The following CC2D2B variants were observed in gnomAD, a reference collection of about 807,000 sequenced individuals.
CC2D2B encodes coiled-coil and C2 domain containing 2B, also known as protein CC2D2B.
A neutral mutation model predicts 161.2 loss-of-function variants in CC2D2B; 128 were observed. The ratio of observed to expected loss-of-function variants is 0.79; its 90% CI spans 0.69 to 0.92. The LOEUF is 0.92. Ranked by LOEUF, CC2D2B falls within the 40% of genes least tolerant of loss-of-function variation. The pLI is 0.00. For missense variants in CC2D2B, 1,173 were observed against 1,375.1 expected (o/e 0.85, Z 2.32); for synonymous variants, 391 against 449.8 (o/e 0.87, Z 1.65).
chr10:95,999,962 C>G, intron 24 of CC2D2B: 1 of 662,902 alleles, frequency 1.5e-6, no homozygotes. Flanking sequence ...TCTTAGAGCA[C>G]TTATGTGCTC....
chr10:95,998,110 C>A (rs2078302645), intron 24 of CC2D2B, among the ~76,000 whole-genome samples: 1 of 150,638 alleles, frequency 6.6e-6, no homozygotes, highest in African/African-American at 2.4e-5. Flanking sequence ...AATTAAGAGA[C>A]TTTATTTTTA....
At position 95,938,911 on chromosome 10, in the gene CC2D2B, A is replaced by C. The variant is rs1264318065; in HGVS notation, c.787A>C (p.Thr263Pro). ...RKEPLNPLLK[T>P]IYRKAVKYDL... Reference sequence around the variant, plus strand: ...GGAACCTTTAAATCCATTACTTAAGACCATATACAGGAAGGTAACCAACAA... The same window carrying C: ...GGAACCTTTAAATCCATTACTTAAGCCCATATACAGGAAGGTAACCAACAA... The change falls in exon 9 of 35, where the codon ACC (threonine) becomes CCC (proline). Residue 263 changes from threonine to proline, a missense_variant. Thr to Pro is a conservative substitution (Grantham distance 38). Around this residue, in one of 3 missense-constraint regions of CC2D2B, gnomAD observed 298 missense variants for 261.2 expected, o/e 1.14. Coordinates refer to ENST00000646931, the MANE Select transcript of CC2D2B (RefSeq NM_001349008.3). The C allele has an allele frequency of 1.4e-6, 1 of 692,666 alleles. No individual in the cohort carries two copies. The highest frequency in any genetic ancestry group is 2.6e-6 in the Non-Finnish European group (1 of 378,518). 42.9% of individuals were successfully genotyped at this position (692,666 alleles called of 1,614,324 possible).
At chr10:95,940,496 T>C (rs1055924456) in intron 9 of CC2D2B, among the ~76,000 whole-genome samples, 2 of 152,196 alleles carry the variant, frequency 1.3e-5, no homozygotes, top group African/African-American at 2.4e-5. Context: ...TATTCTTCTG[T>C]TTTTATTCTA....
intron 11 of CC2D2B, among the ~76,000 whole-genome samples, chr10:95,958,284 G>T (rs1210864022): frequency 6.6e-6 from 1 of 152,174 alleles, no homozygotes; most frequent in Non-Finnish European, 1.5e-5. Context: ...TTGAGGCCAG[G>T]AGTTCAAGAC....
At chr10:96,004,787 A>G (rs757937090) in intron 25 of CC2D2B, among the ~76,000 whole-genome samples, 6 of 152,214 alleles carry the variant, frequency 3.9e-5, no homozygotes, top group Non-Finnish European at 2.9e-5. Flanking sequence ...AAATATAAAG[A>G]TGCATACCCA....
At chr10:95,990,176 G>T (rs1174143954) in intron 20 of CC2D2B, among the ~76,000 whole-genome samples, 3 of 152,134 alleles carry the variant, frequency 2.0e-5, no homozygotes, top group African/African-American at 7.2e-5. Flanking sequence ...CTATAAGTCA[G>T]ATAATTGGAA....
chr10:95,957,298 C>T (rs937164797), intron 11 of CC2D2B, among the ~76,000 whole-genome samples: 1 of 152,148 alleles, frequency 6.6e-6, no homozygotes, highest in African/African-American at 2.4e-5. Context: ...TTGTTGCAAG[C>T]CCCTCTATCT....
chr10:95,921,931 G>A (rs1197285187), intron 2 of CC2D2B, 85 bp from the exon 3 acceptor site: 1 of 738,856 alleles, frequency 1.4e-6, no homozygotes, highest in Non-Finnish European at 2.2e-6. Flanking sequence ...TGTACCCTAG[G>A]ACTTAAAGTA....
chr10:96,022,284 T>G (rs2079500357), intron 32 of CC2D2B, among the ~76,000 whole-genome samples: 1 of 151,944 alleles, frequency 6.6e-6, no homozygotes, highest in African/African-American at 2.4e-5. Flanking sequence ...ATTGCACCAC[T>G]GCACTCCAGT....
At chr10:95,961,312 GAGGTCAGA>G (rs2076751810) in intron 11 of CC2D2B, among the ~76,000 whole-genome samples, 1 of 152,132 alleles carries the variant, frequency 6.6e-6, no homozygotes, top group South Asian at 2.1e-4. Context: ...CAGATCGCTT[GAGGTCAGA>G]AGTTTGAGAC....
Position 95,996,876 on chromosome 10 carries a change from T to C in CC2D2B, c.2849+624T>C, listed in dbSNP as rs1181563971. Among the ~76,000 whole-genome samples the C allele has an allele frequency of 3.3e-5, 5 of 152,308 alleles. No homozygotes were observed. The East Asian group carries it at 9.6e-4, about 29-fold the overall frequency. ...GCCTAATGGGAGGTGTTTGAGGCCA[T>C]GAGAGCTCCACCCTTATGAATAGAT... On this transcript the variant is annotated intron_variant, in intron 24 of 34. Coordinates refer to ENST00000646931, the MANE Select transcript of CC2D2B (RefSeq NM_001349008.3).
chr10:95,953,584 C>T (rs2076476568), intron 10 of CC2D2B, among the ~76,000 whole-genome samples: 1 of 152,168 alleles, frequency 6.6e-6, no homozygotes, highest in African/African-American at 2.4e-5. Context: ...TCCTAAGCTT[C>T]CTAAGACCTT....
intron 28 of CC2D2B, 90 bp from the exon 29 acceptor site, chr10:96,013,698 A>G: frequency 1.5e-6 from 1 of 683,860 alleles, no homozygotes; most frequent in Non-Finnish European, 2.5e-6. Flanking sequence ...ATAGGCTTAG[A>G]TTATATGCTA....
chr10:95,987,695 C>T (rs944328295), intron 19 of CC2D2B, among the ~76,000 whole-genome samples: 61 of 152,126 alleles, frequency 4.0e-4, no homozygotes, highest in African/African-American at 1.4e-3. Flanking sequence ...CACACATTAA[C>T]TACTTAGTAT....
At position 95,968,705 on chromosome 10, in the gene CC2D2B, AG is replaced by A. The variant is rs1421415141; in HGVS notation, c.1467-17del. 1.8e-6 allele frequency: 2 copies of A among 1,087,470 alleles called. No individual in the cohort carries two copies. The highest frequency in any genetic ancestry group is 2.3e-6 in the Non-Finnish European group (2 of 856,546). 67.4% of individuals were successfully genotyped at this position (1,087,470 alleles called of 1,614,324 possible). A position where few individuals can be genotyped will look rare whatever the true frequency, so the allele number is the denominator to read the frequency against. On this transcript the variant is annotated intron_variant, in intron 14 of 34. Transcript: ENST00000646931. ...GTTGTACTTTTTAAGGGTGATTTAA[AG>A]GTTTGTTTAATTTTTAGGCATGAAC...
chr10:95,934,311 G>C (rs558521895), intron 6 of CC2D2B, among the ~76,000 whole-genome samples: 18 of 152,134 alleles, frequency 1.2e-4, no homozygotes, highest in Admixed American at 3.9e-4. Context: ...CTTAGCTTGC[G>C]GGGCTCCGTC....
rs540888595 is a variant in CC2D2B at position 95,972,856 on chromosome 10, T to C, written c.1795+640T>C. ...GAACCTACAGGTGCTCGCAGACATA[T>C]GGGTTTGTCTTTGAACTGTATAGGG... On this transcript the variant is annotated intron_variant, in intron 16 of 34. Transcript: ENST00000646931. Among the ~76,000 whole-genome samples the C allele has an allele frequency of 2.0e-5, 3 of 151,994 alleles. No homozygotes were observed. In the South Asian group the frequency reaches 6.2e-4, roughly 32 times the overall value.
chr10:96,024,683 A>C (rs2141948249), intron 32 of CC2D2B, among the ~76,000 whole-genome samples, 170 bp from the exon 33 acceptor site: 1 of 152,280 alleles, frequency 6.6e-6, no homozygotes, highest in South Asian at 2.1e-4. Flanking sequence ...CTCGTGAAGC[A>C]GTGTGAAAAT....
At position 95,938,320 on chromosome 10, in the gene CC2D2B, A is replaced by G. The variant is rs1389633827; in HGVS notation, c.535+131A>G. 1.5e-5 allele frequency: 10 copies of G among 673,368 alleles called. No homozygotes were observed. The South Asian group carries it at 1.8e-4, about 12-fold the overall frequency. The allele number at this position is 673,368 out of a possible 1,614,324, so 41.7% of individuals were successfully genotyped here. A position where few individuals can be genotyped will look rare whatever the true frequency, so the allele number is the denominator to read the frequency against. On this transcript the variant is annotated intron_variant, in intron 7 of 34. Coordinates refer to ENST00000646931, the MANE Select transcript of CC2D2B (RefSeq NM_001349008.3). ...AGTAACTTTTCTATATTTGTTTTTC[A>G]TGACTTCCCTGAATTAAGGGAACTG...
Sources: allele counts gnomAD v4.1 joint callset (sites outside exome capture counted in the v4.1 genomes callset), GRCh38; gene constraint gnomAD v4.1.1; regional missense constraint gnomAD v4.1.1; transcripts MANE v1.5; gene names NCBI Gene and HGNC (gene_info 2026-07-23, HGNC 2026-07-21).